LRP2: variants seen among roughly 807,000 people sequenced by gnomAD.
LRP2 encodes low-density lipoprotein receptor-related protein 2.
Under a neutral mutation model 531.0 loss-of-function variants are expected in LRP2, and 172 were observed. The observed-to-expected ratio is 0.32, with a 90% CI of 0.29 to 0.37. The LOEUF (loss-of-function observed/expected upper bound fraction) is 0.37. Ranked by LOEUF, LRP2 falls within the 10% of genes least tolerant of loss-of-function variation. The pLI is 1.00. For synonymous variants in LRP2, 1,992 were observed against 2,027.6 expected, an observed-to-expected ratio of 0.98 and a Z score of 0.47; for missense variants, 5,167 against 5,868.3, an observed-to-expected ratio of 0.88 and a Z score of 3.90.
intron 61 of LRP2, 130 bp from the exon 62 acceptor site, chr2:169,166,184 T>C: frequency 1.1e-6 from 1 of 890,330 alleles, no homozygotes; most frequent in Non-Finnish European, 1.8e-6. Context: ...GATTAATCAA[T>C]CAGCAGATAC....
At chr2:169,308,552 T>A (rs912212203) in intron 3 of LRP2, among the ~76,000 whole-genome samples, 25 of 152,238 alleles carry the variant, frequency 1.6e-4, no homozygotes, top group Admixed American at 1.6e-3. Context: ...GGACAGGAAC[T>A]CATCCTTTTT....
rs543890594 is a variant in LRP2 at position 169,145,812 on chromosome 2, G to A, written c.12923C>T (p.Thr4308Met). The A allele has an allele frequency of 1.2e-4, 196 of 1,613,974 alleles. No individual in the cohort carries two copies. Among genetic ancestry groups the A allele is most frequent in the Non-Finnish European group, 1.6e-4 (186 of 1,180,008 alleles). The stretch of plus-strand genomic sequence containing the variant: ...AGTGAGCCAAGGGTTCACTACCAGC[G>A]TTTTCTCTTTCTTTCCTTGCCCAAA... ...NKFGQGKKEK[T>M]LVVNPWLTQV... Residue 4308 changes from threonine (T) to methionine (M), a missense_variant, in exon 70 of 79, where the codon ACG becomes ATG. Thr to Met is a moderately conservative substitution (Grantham distance 81, BLOSUM62 -1). Around this residue, in one of 6 missense-constraint regions of LRP2, gnomAD observed 564 missense variants for 747.7 expected, o/e 0.75. Coordinates refer to ENST00000649046, the MANE Select transcript of LRP2 (RefSeq NM_004525.3).
chr2:169,176,059 G>C (rs1302045140), intron 54 of LRP2, among the ~76,000 whole-genome samples: 1 of 152,232 alleles, frequency 6.6e-6, no homozygotes, highest in Non-Finnish European at 1.5e-5. Flanking sequence ...GGCCGGCATA[G>C]ACATGGAAAA....
At chr2:169,262,727 C>A (rs1208364965) in intron 16 of LRP2, among the ~76,000 whole-genome samples, 115 of 146,682 alleles carry the variant, frequency 7.8e-4, no homozygotes, top group South Asian at 1.1e-3. Flanking sequence ...ACTTTCTTCA[C>A]AGAATTGGAA....
At position 169,132,647 on chromosome 2, in the gene LRP2, T is replaced by A. The variant is rs773629926; in HGVS notation, c.13655A>T (p.Tyr4552Phe). The A allele has an allele frequency of 6.2e-7, 1 of 1,606,924 alleles. No homozygotes were observed. The highest frequency in any genetic ancestry group is 1.7e-5 in the Admixed American group (1 of 59,996). ...TVSENVDNKN[Y>F]GSPINPSEIV... ...CTCAGAAGGGTTTATGGGACTTCCATAATTCTTATTATCCACATTTTCAGA... is the reference window on the plus strand; with the variant it reads ...CTCAGAAGGGTTTATGGGACTTCCAAAATTCTTATTATCCACATTTTCAGA... Residue 4552 changes from tyrosine to phenylalanine, a missense_variant, in exon 77 of 79, where the codon TAT (tyrosine) becomes TTT (phenylalanine). Physicochemically the swap from Tyr to Phe is conservative, Grantham distance 22 (BLOSUM62 3). Around this residue, in one of 6 missense-constraint regions of LRP2, gnomAD observed 348 missense variants for 369.3 expected, o/e 0.94. Transcript: ENST00000649046.
In LRP2 at chr2:169,145,212, C is replaced by T. The variant is rs553185509; in HGVS notation, c.12988+535G>A. On this transcript the variant is annotated intron_variant, in intron 70 of 78. Transcript: ENST00000649046. ...GCCTTTCATCTTGCTCCACACACTG[C>T]TGAAGGATAAATTAGCGCACAGGTA... 3.9e-5 allele frequency among the ~76,000 whole-genome samples: 6 copies of T among 152,302 alleles called. No homozygotes were observed. In the South Asian group the frequency reaches 1.2e-3, roughly 32 times the overall value.
intron 32 of LRP2, among the ~76,000 whole-genome samples, chr2:169,225,947 T>C (rs1382532032): frequency 6.6e-6 from 1 of 152,228 alleles, no homozygotes; most frequent in Admixed American, 6.5e-5. Context: ...TAAAGGATTC[T>C]AAAGGAAGGC....
chr2:169,337,844 C>T (rs1574270687), intron 1 of LRP2, among the ~76,000 whole-genome samples: 1 of 152,158 alleles, frequency 6.6e-6, no homozygotes. Context: ...AGGTAGCTCA[C>T]GCCTATAATC....
At chr2:169,151,472 G>A (rs1686121445) in intron 67 of LRP2, among the ~76,000 whole-genome samples, 1 of 152,158 alleles carries the variant, frequency 6.6e-6, no homozygotes, top group Admixed American at 6.5e-5. Flanking sequence ...ATAAGGCACG[G>A]TGGGGCTGGT....
At chr2:169,129,823 C>T (rs1017485392) in intron 77 of LRP2, among the ~76,000 whole-genome samples, 1 of 152,150 alleles carries the variant, frequency 6.6e-6, no homozygotes, top group Non-Finnish European at 1.5e-5. Flanking sequence ...GCGTGGCCCA[C>T]GCTTTACTGA....
intron 16 of LRP2, among the ~76,000 whole-genome samples, chr2:169,261,449 A>G (rs1411481125): frequency 6.6e-6 from 1 of 151,552 alleles, no homozygotes; most frequent in East Asian, 1.9e-4. Context: ...AGTATCTGGC[A>G]CTACACCACA....
rs190077478 is a variant in LRP2, at chr2:169,271,127, G to A, written c.2117-20C>T. 61 of 1,571,078 alleles carry A rather than the reference G, an allele frequency of 3.9e-5. 1 individual carries two copies. In the Admixed American group the frequency reaches 9.9e-4, roughly 26 times the overall value. On this transcript the variant is annotated intron_variant, in intron 15 of 78. Transcript: ENST00000649046. ...GAACAGCTGTAGGAAGAATAACACAGCACAGTCAGTCACAGCATGGTTCTT... is the reference window on the plus strand; with the variant it reads ...GAACAGCTGTAGGAAGAATAACACAACACAGTCAGTCACAGCATGGTTCTT...
At chr2:169,272,184 G>A in intron 15 of LRP2, among the ~76,000 whole-genome samples, 1 of 152,086 alleles carries the variant, frequency 6.6e-6, no homozygotes, top group East Asian at 1.9e-4. Flanking sequence ...GCACAGAAAG[G>A]AGAAATGTAG....
chr2:169,334,215 T>C (rs3770630), intron 1 of LRP2, among the ~76,000 whole-genome samples: 33,337 of 152,026 alleles, frequency 0.22, 3,776 homozygotes, highest in East Asian at 0.28. Flanking sequence ...CTATTATAAA[T>C]ATAAAATTTT....
chr2:169,284,635 T>C (rs1683802973), intron 9 of LRP2, among the ~76,000 whole-genome samples: 1 of 152,118 alleles, frequency 6.6e-6, no homozygotes, highest in Admixed American at 6.5e-5. Context: ...CCAGCATATC[T>C]TTCTTTCCAA....
intron 3 of LRP2, 109 bp downstream of exon 3, chr2:169,318,653 C>T (rs1175393239): frequency 1.4e-6 from 2 of 1,481,130 alleles, no homozygotes; most frequent in Non-Finnish European, 9.4e-7. Flanking sequence ...TGATTTAAGG[C>T]CCTGCTCCAC....
chr2:169,224,909 G>A (rs961159037), intron 33 of LRP2, among the ~76,000 whole-genome samples: 4 of 151,996 alleles, frequency 2.6e-5, no homozygotes, highest in Non-Finnish European at 5.9e-5. Flanking sequence ...GGCCAACATG[G>A]TGAAACCCCG....
intron 8 of LRP2, among the ~76,000 whole-genome samples, chr2:169,289,499 G>A (rs1190386634): frequency 1.3e-5 from 2 of 152,152 alleles, no homozygotes; most frequent in African/African-American, 4.8e-5. Flanking sequence ...GGAGGCTGCA[G>A]TGAGCTATGA....
intron 4 of LRP2, among the ~76,000 whole-genome samples, chr2:169,299,628 A>G (rs1684238122): frequency 6.6e-6 from 1 of 152,156 alleles, no homozygotes; most frequent in Non-Finnish European, 1.5e-5. Context: ...AAGGAATAGT[A>G]CAAAGAAGTA....
Sources: allele counts gnomAD v4.1 joint callset (sites outside exome capture counted in the v4.1 genomes callset), GRCh38; gene constraint gnomAD v4.1.1; regional missense constraint gnomAD v4.1.1; transcripts MANE v1.5; gene names NCBI Gene and HGNC (gene_info 2026-07-23, HGNC 2026-07-21).